Variants in DDX46 observed in about 807,000 individuals in gnomAD.
The protein encoded by DDX46 is DEAD-box helicase 46, also known as probable ATP-dependent RNA helicase DDX46.
DDX46 carries 30 observed loss-of-function variants against 134.9 expected under a neutral mutation model. The observed-to-expected ratio is 0.22, with a 90% CI of 0.17 to 0.30. The LOEUF (loss-of-function observed/expected upper bound fraction) is 0.30, where lower values mean the gene tolerates loss of function less well. DDX46 is among the 10% of genes least tolerant of loss of function. The pLI is 1.00. For missense variants in DDX46, 622 were observed against 1,248.7 expected (o/e 0.50, Z 7.56); for synonymous variants, 415 against 404.1 (o/e 1.03, Z -0.32).
At position 134,796,092 on chromosome 5, in the gene DDX46, T is replaced by C; in HGVS notation, c.1896T>C (p.Ala632=). ...TATTTGTGGATAAGCAGGAACATGC[T>C]GATGGTCTTCTTAAGGATTTAATGA... ...VIIFVDKQEH[A]DGLLKDLMRA... Residue 632 remains alanine, a synonymous_variant, in exon 15 of 23, where the codon GCT becomes GCC. Coordinates refer to ENST00000452510, the MANE Select transcript of DDX46 (RefSeq NM_001300860.2). The C allele has an allele frequency of 2.5e-6, 4 of 1,613,950 alleles. No individual in the cohort carries two copies. The South Asian group carries it at 4.4e-5, about 18-fold the overall frequency.
intron 14 of DDX46, among the ~76,000 whole-genome samples, chr5:134,795,312 G>T (rs1008810324): frequency 6.3e-5 from 9 of 143,650 alleles, no homozygotes; most frequent in African/African-American, 2.4e-4. Context: ...GCCTATCTTT[G>T]TCCATGCTAA....
intron 5 of DDX46, 124 bp downstream of exon 5, chr5:134,773,985 T>A: frequency 3.0e-6 from 3 of 1,013,246 alleles, no homozygotes; most frequent in Non-Finnish European, 4.1e-6. Flanking sequence ...TGTTTACCAT[T>A]TTCATCATTT....
intron 1 of DDX46, among the ~76,000 whole-genome samples, chr5:134,761,978 A>G (rs1048369201): frequency 3.9e-5 from 6 of 152,082 alleles, no homozygotes; most frequent in African/African-American, 1.4e-4. Context: ...ACATTAGGCC[A>G]GGTGCAGTGG....
chr5:134,808,476 C>T lies in DDX46; in HGVS notation c.2148+535C>T, dbSNP rs551289249. On this transcript the variant is annotated intron_variant, in intron 16 of 22. Transcript: ENST00000452510. The stretch of plus-strand genomic sequence containing the variant: ...ACTGGTTGTATAGGTACTCAAAGTA[C>T]AATTTCTACTGAATGCATATCACTT... 2.0e-5 allele frequency among the ~76,000 whole-genome samples: 3 copies of T among 152,252 alleles called. No homozygotes were observed. The South Asian group carries it at 6.2e-4, about 32-fold the overall frequency.
At chr5:134,796,981 T>C (rs1754672867) in intron 15 of DDX46, among the ~76,000 whole-genome samples, 1 of 146,862 alleles carries the variant, frequency 6.8e-6, no homozygotes, top group Admixed American at 6.8e-5. Flanking sequence ...GAGAAACCCG[T>C]CTCTATTAAA....
At chr5:134,814,233 A>C (rs750763121) in intron 18 of DDX46, among the ~76,000 whole-genome samples, 2 of 152,148 alleles carry the variant, frequency 1.3e-5, no homozygotes, top group Non-Finnish European at 2.9e-5. Flanking sequence ...TATAGGAAAA[A>C]ACAGTGTATG....
In DDX46 at chr5:134,810,788, C is replaced by T. The variant is rs139947615; in HGVS notation, c.2149-433C>T. 8.5e-3 allele frequency among the ~76,000 whole-genome samples: 1,287 copies of T among 151,578 alleles called. 6 individuals carry two copies. The highest frequency in any genetic ancestry group is 0.041 in the Middle Eastern group (12 of 292). On this transcript the variant is annotated intron_variant, in intron 16 of 22. Coordinates refer to ENST00000452510, the MANE Select transcript of DDX46 (RefSeq NM_001300860.2). The stretch of plus-strand genomic sequence containing the variant: ...TGGGAGGCCAAGGCGGGCGGATCAC[C>T]TGAGGTCAGGAATTTGAGACCAGCC...
intron 21 of DDX46, among the ~76,000 whole-genome samples, chr5:134,821,891 T>G (rs541669099): frequency 7.9e-4 from 120 of 150,966 alleles, no homozygotes; most frequent in Non-Finnish European, 1.4e-3. Flanking sequence ...TTTAGGTTTT[T>G]TTTTGTTTTT....
intron 13 of DDX46, among the ~76,000 whole-genome samples, chr5:134,793,138 CAG>C (rs1417022270): frequency 6.6e-6 from 1 of 152,056 alleles, no homozygotes; most frequent in Non-Finnish European, 1.5e-5. Context: ...GCCTGGGCGA[CAG>C]AGTGAGACCG....
chr5:134,770,831 A>C, intron 3 of DDX46, 72 bp from the exon 4 acceptor site: 4 of 1,367,966 alleles, frequency 2.9e-6, no homozygotes, highest in Non-Finnish European at 3.9e-6. Context: ...AAAAAAAAAA[A>C]AGTATTTAAA....
intron 15 of DDX46, among the ~76,000 whole-genome samples, chr5:134,798,872 A>G (rs962686033): frequency 6.6e-6 from 1 of 152,234 alleles, no homozygotes; most frequent in East Asian, 1.9e-4. Context: ...CTTCGTGTCC[A>G]TAGACTGCAG....
rs779188025 is a variant in DDX46 at position 134,782,515 on chromosome 5, T to G, written c.1045+429T>G. The stretch of plus-strand genomic sequence containing the variant: ...AAATAAAAAAAATTGTTGGTTTTGT[T>G]TTGTTTTTTTTTTGAGACAGGGTCT... On this transcript the variant is annotated intron_variant, in intron 8 of 22. Coordinates refer to ENST00000452510, the MANE Select transcript of DDX46 (RefSeq NM_001300860.2). 1.9e-4 allele frequency among the ~76,000 whole-genome samples: 29 copies of G among 151,496 alleles called. 1 individual carries two copies. Among genetic ancestry groups the G allele is most frequent in the Non-Finnish European group, 7.4e-5 (5 of 67,984 alleles).
At chr5:134,788,417 G>A in intron 11 of DDX46, 96 bp from the exon 12 acceptor site, 1 of 951,110 alleles carries the variant, frequency 1.1e-6, no homozygotes, top group Non-Finnish European at 1.6e-6. Context: ...AAGCTTGGAA[G>A]TCTTCTAATT....
intron 15 of DDX46, among the ~76,000 whole-genome samples, chr5:134,801,848 TG>T (rs1561867549): frequency 6.6e-6 from 1 of 152,218 alleles, no homozygotes; most frequent in Non-Finnish European, 1.5e-5. Flanking sequence ...AAGGTTTTTG[TG>T]TGAATGTCAG....
At chr5:134,809,830 G>A (rs1755091360) in intron 16 of DDX46, among the ~76,000 whole-genome samples, 1 of 152,036 alleles carries the variant, frequency 6.6e-6, no homozygotes, top group Non-Finnish European at 1.5e-5. Flanking sequence ...CCAACATGGA[G>A]AAACCCTGTT....
chr5:134,759,801 C>T (rs921976376), intron 1 of DDX46, among the ~76,000 whole-genome samples: 1 of 152,142 alleles, frequency 6.6e-6, no homozygotes, highest in African/African-American at 2.4e-5. Context: ...AATATATAAA[C>T]CGTGTAATCA....
chr5:134,781,003 G>A (rs1395442121), intron 6 of DDX46, 130 bp from the exon 7 acceptor site: 7 of 587,016 alleles, frequency 1.2e-5, no homozygotes, highest in East Asian at 3.5e-5. Context: ...AAGCCTGGGT[G>A]ACTGAGACCA....
chr5:134,807,701 G>GA (rs752292845), intron 15 of DDX46, 47 bp from the exon 16 acceptor site: 1 of 1,532,568 alleles, frequency 6.5e-7, no homozygotes, highest in South Asian at 1.3e-5. Context: ...AGAAGACATG[G>GA]AAAATTTAAT....
In DDX46 at chr5:134,829,490, A is replaced by G. The variant is rs1230788472; in HGVS notation, c.*784A>G. ...TTCCTTCTAGAAAGTGTTTATTTAT[A>G]TATCTATACATGTTGTATGTACAAA... On this transcript the variant is annotated 3_prime_UTR_variant, in exon 23 of 23. Coordinates refer to ENST00000452510, the MANE Select transcript of DDX46 (RefSeq NM_001300860.2). The G allele has an allele frequency of 6.6e-6, 1 of 152,186 alleles. No individual in the cohort carries two copies. The highest frequency in any genetic ancestry group is 6.6e-5 in the Admixed American group (1 of 15,266). 9.4% of individuals were successfully genotyped at this position (152,186 alleles called of 1,614,324 possible).
Sources: gnomAD v4.1 joint callset for allele counts (sites outside exome capture counted in the v4.1 genomes callset) on GRCh38, gnomAD v4.1.1 for gene constraint, MANE v1.5 for transcripts, NCBI Gene and HGNC (gene_info 2026-07-23, HGNC 2026-07-21) for gene names.